Variants in AXDND1 observed in about 807,000 individuals in gnomAD.
AXDND1 encodes axonemal dynein light chain domain containing 1.
Under a neutral mutation model 137.5 loss-of-function variants are expected in AXDND1, and 110 were observed. The observed-to-expected ratio is 0.80, with a 90% CI of 0.69 to 0.94. The LOEUF is 0.94. Ranked by LOEUF, AXDND1 falls within the 40% of genes least tolerant of loss-of-function variation. AXDND1 has a pLI of 0.00. For synonymous variants in AXDND1, 414 were observed against 399.7 expected (o/e 1.04, Z -0.43); for missense variants, 1,191 against 1,169.8 (o/e 1.02, Z -0.26).
In AXDND1 at chr1:179,375,138, A is replaced by C. The variant is rs187398684; in HGVS notation, c.375-3499A>C. ...TTTTAAGATGGAATCTTGCTCTGTC[A>C]TCCAGGCTGGAGTGTAGTGGTGTGA... On this transcript the variant is annotated intron_variant, in intron 4 of 25. Coordinates refer to ENST00000367618, the MANE Select transcript of AXDND1 (RefSeq NM_144696.6). Among the ~76,000 whole-genome samples the C allele has an allele frequency of 1.9e-3, 290 of 152,090 alleles. 3 individuals are homozygous for C. Among genetic ancestry groups the C allele is most frequent in the African/African-American group, 6.7e-3 (277 of 41,520 alleles).
At position 179,551,236 on chromosome 1, in the gene AXDND1, G is replaced by C. The variant is rs1227020773; in HGVS notation, c.3032-3276G>C. The C allele has an allele frequency of 5.0e-6, 8 of 1,614,010 alleles. No homozygotes were observed. The South Asian group carries it at 8.8e-5, about 18-fold the overall frequency. ...GCTCAACAGGTTTGGAAGGACTTGG[G>C]AAGGGGAGGCTTCCCTGAGTTCTGT... On this transcript the variant is annotated intron_variant, in intron 25 of 25. Coordinates refer to ENST00000367618, the MANE Select transcript of AXDND1 (RefSeq NM_144696.6).
intron 21 of AXDND1, among the ~76,000 whole-genome samples, chr1:179,514,811 T>C (rs1286522084): frequency 6.6e-6 from 1 of 152,218 alleles, no homozygotes; most frequent in Non-Finnish European, 1.5e-5. Context: ...TTTACCATTA[T>C]ATAATGTCCC....
intron 20 of AXDND1, among the ~76,000 whole-genome samples, chr1:179,495,628 G>A (rs912027684): frequency 2.6e-5 from 4 of 151,554 alleles, no homozygotes; most frequent in Admixed American, 2.0e-4. Flanking sequence ...ACACAGTCAT[G>A]CAGTCATGTT....
At chr1:179,464,149 C>A (rs1163053455) in intron 16 of AXDND1, among the ~76,000 whole-genome samples, 1 of 152,104 alleles carries the variant, frequency 6.6e-6, no homozygotes, top group East Asian at 1.9e-4. Context: ...GAATTTGATC[C>A]TGTCATTATG....
chr1:179,368,754 T>A, intron 2 of AXDND1, 46 bp from the exon 3 acceptor site: 2 of 1,494,448 alleles, frequency 1.3e-6, no homozygotes, highest in Non-Finnish European at 1.8e-6. Flanking sequence ...CCATCTAACT[T>A]AAAAAAATAT....
intron 12 of AXDND1, among the ~76,000 whole-genome samples, chr1:179,428,987 G>T (rs1024690308): frequency 6.7e-6 from 1 of 149,956 alleles, no homozygotes; most frequent in East Asian, 2.1e-4. Context: ...GACAATCCTG[G>T]CTAACAGGTG....
Position 179,534,935 on chromosome 1 carries a change from G to A in AXDND1, c.3004G>A (p.Glu1002Lys). The change falls in exon 25 of 26, where the codon GAA becomes AAA. Residue 1002 changes from glutamate (E) to lysine (K), a missense_variant. Glu to Lys is a moderately conservative substitution (Grantham distance 56, BLOSUM62 1). Transcript: ENST00000367618. ...QQEEEEVRSA[E>K]NSSKSPKKGH ...AGAAGAAGAAGAAGTCAGGTCAGCA[G>A]AAAATTCCTCAAAATCTCCAAAGAA... 6.2e-7 allele frequency: 1 copy of A among 1,606,606 alleles called. No homozygotes were observed.
In AXDND1 at chr1:179,534,886, AGTAAAAG is replaced by A; in HGVS notation, c.2956_2962del (p.Val986LysfsTer50). 1 of 1,595,454 alleles carries A rather than the reference AGTAAAAG, an allele frequency of 6.3e-7. No individual in the cohort carries two copies. The highest frequency in any genetic ancestry group is 8.5e-7 in the Non-Finnish European group (1 of 1,170,970). The stretch of plus-strand genomic sequence containing the variant: ...AGAAAGAAAATCAAGATGAAAGAGA[AGTAAAAG>A]AAGAAGAAGAACAACAAGAAGAAGA... On this transcript the variant is annotated frameshift_variant, in exon 25 of 26. Transcript: ENST00000367618. LOFTEE classifies it high-confidence loss of function.
intron 15 of AXDND1, among the ~76,000 whole-genome samples, chr1:179,443,132 T>C (rs188546675): frequency 7.2e-5 from 11 of 152,326 alleles, no homozygotes; most frequent in Non-Finnish European, 1.6e-4. Flanking sequence ...GTGATGTCCC[T>C]CAGCAAACCT....
At chr1:179,523,375 T>C (rs1670252000) in intron 21 of AXDND1, among the ~76,000 whole-genome samples, 1 of 152,166 alleles carries the variant, frequency 6.6e-6, no homozygotes, top group Admixed American at 6.5e-5. Context: ...ATTATTTTTC[T>C]AAAAATAACA....
chr1:179,385,444 A>T (rs1169722486), intron 9 of AXDND1, 85 bp downstream of exon 9: 2 of 1,477,280 alleles, frequency 1.4e-6, no homozygotes, highest in Admixed American at 1.8e-5. Flanking sequence ...GAATGCCACA[A>T]AAGTGCACTT....
chr1:179,414,394 G>A (rs776653553), intron 12 of AXDND1, among the ~76,000 whole-genome samples: 4 of 147,108 alleles, frequency 2.7e-5, no homozygotes, highest in Non-Finnish European at 4.5e-5. Flanking sequence ...ATAGATGTCA[G>A]TTCTCTCCAA....
intron 16 of AXDND1, among the ~76,000 whole-genome samples, chr1:179,458,836 A>G (rs2031892): frequency 0.32 from 48,238 of 151,378 alleles, 8,287 homozygotes; most frequent in South Asian, 0.42. Flanking sequence ...AACAAAATAG[A>G]TGAGGATGCT....
chr1:179,500,947 C>T (rs1374498009), intron 20 of AXDND1, among the ~76,000 whole-genome samples: 1 of 152,226 alleles, frequency 6.6e-6, no homozygotes, highest in Non-Finnish European at 1.5e-5. Context: ...ACTGGGATTA[C>T]AGGTGTGAGC....
chr1:179,545,116 G>A (rs1672527956), intron 25 of AXDND1: 1 of 152,290 alleles, frequency 6.6e-6, no homozygotes, highest in African/African-American at 2.4e-5. Flanking sequence ...AGTTGCAAGT[G>A]ACAACTGGAT....
chr1:179,549,923 C>T (rs1012673090), intron 25 of AXDND1, among the ~76,000 whole-genome samples: 7 of 152,066 alleles, frequency 4.6e-5, no homozygotes, highest in African/African-American at 1.7e-4. Context: ...AGGAAATCAC[C>T]TAGGAGTTCC....
At position 179,445,147 on chromosome 1, in the gene AXDND1, A is replaced by T; in HGVS notation, c.1741A>T (p.Ile581Phe). ...AGAGCGACAGTACATGGAGGAAATT[A>T]TCAAAAACATACAAAAACTCTACAA... ...PSERQYMEEIIKNIQKLYKEY... is the reference protein window; with the variant it reads ...PSERQYMEEIFKNIQKLYKEY... Residue 581 changes from isoleucine (I) to phenylalanine (F), a missense_variant, in exon 16 of 26, where the codon ATC becomes TTC. By Grantham distance (21) the Ile-to-Phe change is conservative. Transcript: ENST00000367618. 1 of 1,611,820 alleles carries T rather than the reference A, an allele frequency of 6.2e-7. No homozygotes were observed. The highest frequency in any genetic ancestry group is 8.5e-7 in the Non-Finnish European group (1 of 1,178,656).
intron 25 of AXDND1, among the ~76,000 whole-genome samples, chr1:179,535,902 T>G (rs1254098755): frequency 6.6e-6 from 1 of 152,242 alleles, no homozygotes; most frequent in South Asian, 2.1e-4. Flanking sequence ...CCTGACTTTT[T>G]AATGATCGCC....
Position 179,432,253 on chromosome 1 carries a change from TTTC to T in AXDND1, c.1488-8_1488-6del, listed in dbSNP as rs1484836627. 3.9e-6 allele frequency: 6 copies of T among 1,527,234 alleles called. No homozygotes were observed. The highest frequency in any genetic ancestry group is 4.4e-6 in the Non-Finnish European group (5 of 1,133,776). The allele number at this position is 1,527,234 out of a possible 1,614,324, so 94.6% of individuals were successfully genotyped here. On this transcript the variant is annotated splice_polypyrimidine_tract_variant and intron_variant, in intron 14 of 25. Transcript: ENST00000367618. ...GTTCTGAGATGTTTCTCTTTTTTTT[TTTC>T]TTCTTTTCAGTGAAAAAGACATTTT...
Sources: gnomAD v4.1 joint callset for allele counts (sites outside exome capture counted in the v4.1 genomes callset) on GRCh38, gnomAD v4.1.1 for gene constraint, MANE v1.5 for transcripts, NCBI Gene and HGNC (gene_info 2026-07-23, HGNC 2026-07-21) for gene names.